XPO4: variants seen among roughly 807,000 people sequenced by gnomAD.
XPO4 encodes the protein exportin-4.
Under a neutral mutation model 143.0 loss-of-function variants are expected in XPO4, and 39 were observed. The ratio of observed to expected loss-of-function variants is 0.27; its 90% CI spans 0.21 to 0.36. XPO4 has a LOEUF of 0.36. Ranked by LOEUF, XPO4 falls within the 10% of genes least tolerant of loss-of-function variation. The pLI, the probability that XPO4 is intolerant of heterozygous loss-of-function variation, is 1.00. For synonymous variants in XPO4, 439 were observed against 474.0 expected (o/e 0.93, Z 0.96); for missense variants, 907 against 1,348.0 (o/e 0.67, Z 5.12).
chr13:20,891,537 A>G (rs2060516275), intron 1 of XPO4, among the ~76,000 whole-genome samples: 1 of 152,080 alleles, frequency 6.6e-6, no homozygotes, highest in South Asian at 2.1e-4. Flanking sequence ...TCCCTGAGGT[A>G]GTGGTTATTA....
At chr13:20,857,369 G>A (rs1309484875) in intron 3 of XPO4, among the ~76,000 whole-genome samples, 2 of 152,102 alleles carry the variant, frequency 1.3e-5, no homozygotes, top group African/African-American at 4.8e-5. Context: ...TATATGAACT[G>A]GTTTCACAAA....
chr13:20,813,594 C>T (rs2059611063), intron 9 of XPO4, among the ~76,000 whole-genome samples: 1 of 152,148 alleles, frequency 6.6e-6, no homozygotes, highest in South Asian at 2.1e-4. Flanking sequence ...AAATTTGACA[C>T]TACTATCTTC....
intron 4 of XPO4, among the ~76,000 whole-genome samples, chr13:20,844,862 A>C (rs1209183775): frequency 6.6e-6 from 1 of 152,244 alleles, no homozygotes; most frequent in Non-Finnish European, 1.5e-5. Context: ...TATATGTCTG[A>C]AATTTTTCTT....
intron 1 of XPO4, 45 bp downstream of exon 1, chr13:20,902,625 C>T (rs556409788): frequency 1.5e-5 from 23 of 1,512,102 alleles, no homozygotes; most frequent in African/African-American, 1.3e-4. Flanking sequence ...CAGGGCCGAC[C>T]GGGGGCCCGC....
intron 1 of XPO4, among the ~76,000 whole-genome samples, chr13:20,895,746 A>G (rs1350858916): frequency 2.0e-5 from 3 of 152,052 alleles, no homozygotes; most frequent in Non-Finnish European, 4.4e-5. Context: ...CTATTCTGCA[A>G]TTTTTCGTCT....
Position 20,843,758 on chromosome 13 carries a change from A to T in XPO4, c.573+12T>A. On this transcript the variant is annotated intron_variant, in intron 5 of 22. Coordinates refer to ENST00000255305, the MANE Select transcript of XPO4 (RefSeq NM_022459.5). ...TCCAATAATTAAAACTCAAGAACAA[A>T]ACTACCAATACCTGAAAAACTCTTT... The T allele has an allele frequency of 1.3e-6, 2 of 1,579,942 alleles. No individual in the cohort carries two copies. Among genetic ancestry groups the T allele is most frequent in the African/African-American group, 2.7e-5 (2 of 74,310 alleles).
chr13:20,816,736 C>T (rs987554591), intron 9 of XPO4, among the ~76,000 whole-genome samples: 1 of 152,198 alleles, frequency 6.6e-6, no homozygotes, highest in African/African-American at 2.4e-5. Context: ...TCAGAGCTGA[C>T]TCATACAAGT....
chr13:20,822,782 T>C (rs1326605441), intron 7 of XPO4, among the ~76,000 whole-genome samples: 1 of 152,218 alleles, frequency 6.6e-6, no homozygotes, highest in South Asian at 2.1e-4. Context: ...AACCAAAATA[T>C]AATGAGCACG....
chr13:20,846,087 CTCAT>C (rs2060026106), intron 4 of XPO4, among the ~76,000 whole-genome samples: 1 of 152,208 alleles, frequency 6.6e-6, no homozygotes, highest in Admixed American at 6.5e-5. Context: ...CCTAGAAGCA[CTCAT>C]TAAACAAATT....
intron 13 of XPO4, among the ~76,000 whole-genome samples, chr13:20,802,853 TATG>T (rs934897744): frequency 6.6e-6 from 1 of 152,232 alleles, no homozygotes; most frequent in African/African-American, 2.4e-5. Context: ...GGATTATCAT[TATG>T]ATACTTAAAA....
In XPO4 at chr13:20,783,934, A is replaced by C. The variant is rs746405740; in HGVS notation, c.3259-15T>G. On this transcript the variant is annotated splice_polypyrimidine_tract_variant and intron_variant, in intron 22 of 22. Transcript: ENST00000255305. Reference sequence around the variant, plus strand: ...GAATATTCAGCCTATTGAAGAGATAAAGTATACACAAGTATCCTCCTTAGA... The same window carrying C: ...GAATATTCAGCCTATTGAAGAGATACAGTATACACAAGTATCCTCCTTAGA... 1 of 1,609,126 alleles carries C rather than the reference A, an allele frequency of 6.2e-7. No individual in the cohort carries two copies. Among genetic ancestry groups the C allele is most frequent in the Admixed American group, 1.7e-5 (1 of 60,020 alleles).
chr13:20,879,975 C>A (rs1387587418), intron 1 of XPO4, among the ~76,000 whole-genome samples: 2 of 152,208 alleles, frequency 1.3e-5, no homozygotes, highest in African/African-American at 4.8e-5. Context: ...AGATGTCCAA[C>A]ATACCAAATC....
In XPO4 at chr13:20,849,142, T is replaced by C. The variant is rs1024749439; in HGVS notation, c.457-5256A>G. ...AAAATACTCTTGTTCAGAGAGAGGA[T>C]TGTCTCTTATAATAGCCTGGCTCTT... On this transcript the variant is annotated intron_variant, in intron 4 of 22. Transcript: ENST00000255305. 114 of 985,450 alleles carry C rather than the reference T, an allele frequency of 1.2e-4. No individual in the cohort carries two copies. The Admixed American group carries it at 2.0e-3, about 18-fold the overall frequency. 61.0% of individuals were successfully genotyped at this position (985,450 alleles called of 1,614,324 possible).
intron 1 of XPO4, among the ~76,000 whole-genome samples, chr13:20,878,796 G>A (rs2060378834): frequency 6.6e-6 from 1 of 152,050 alleles, no homozygotes; most frequent in Admixed American, 6.6e-5. Flanking sequence ...AAAGATTGTA[G>A]GCAAAACATC....
intron 1 of XPO4, chr13:20,902,233 T>G (rs2060627964): frequency 1.0e-6 from 1 of 985,194 alleles, no homozygotes; most frequent in Admixed American, 6.2e-5. Flanking sequence ...AAACAAGGGT[T>G]GCTAACAGCA....
At chr13:20,860,683 A>C (rs1394293881) in intron 3 of XPO4, among the ~76,000 whole-genome samples, 1 of 152,228 alleles carries the variant, frequency 6.6e-6, no homozygotes, top group Non-Finnish European at 1.5e-5. Flanking sequence ...AAACAACAAA[A>C]GAGCAAACTA....
At position 20,851,146 on chromosome 13, in the gene XPO4, C is replaced by A. The variant is rs907613124; in HGVS notation, c.456+4481G>T. ...TAAATTCTTGAACCACTTACAAATT[C>A]TTAACAGTCCAAGAAGAAGAGAGGA... On this transcript the variant is annotated intron_variant, in intron 4 of 22. Transcript: ENST00000255305. The A allele has an allele frequency of 3.0e-6, 3 of 985,208 alleles. No individual in the cohort carries two copies. The African/African-American group carries it at 5.2e-5, about 17-fold the overall frequency. 61.0% of individuals were successfully genotyped at this position (985,208 alleles called of 1,614,324 possible).
chr13:20,789,047 C>T (rs17253002), intron 19 of XPO4, among the ~76,000 whole-genome samples: 2,019 of 152,292 alleles, frequency 0.013, 18 homozygotes, highest in Non-Finnish European at 0.019. Flanking sequence ...GCAGAGTATT[C>T]GGTCTTTACA....
At chr13:20,897,765 AT>A (rs540897629) in intron 1 of XPO4, among the ~76,000 whole-genome samples, 1 of 152,038 alleles carries the variant, frequency 6.6e-6, no homozygotes, top group African/African-American at 2.4e-5. Context: ...TATTTATTCT[AT>A]TTTTTTGAGA....
Sources: gnomAD v4.1 joint callset for allele counts (sites outside exome capture counted in the v4.1 genomes callset) on GRCh38, gnomAD v4.1.1 for gene constraint, MANE v1.5 for transcripts, NCBI Gene and HGNC (gene_info 2026-07-23, HGNC 2026-07-21) for gene names.